FBXL13: variants seen among roughly 807,000 people sequenced by gnomAD.
FBXL13 encodes the protein F-box and leucine rich repeat protein 13.
Under a neutral mutation model 83.6 loss-of-function variants are expected in FBXL13, and 67 were observed. The ratio of observed to expected loss-of-function variants is 0.80; its 90% confidence interval spans 0.66 to 0.98. The LOEUF is 0.98. Among genes scored for constraint, FBXL13 ranks in the 50% least tolerant of loss-of-function variants. The pLI is 0.00. For missense variants in FBXL13, 822 were observed against 866.5 expected, an observed-to-expected ratio of 0.95 and a Z score of 0.64; for synonymous variants, 272 against 299.5, an observed-to-expected ratio of 0.91 and a Z score of 0.95.
intron 18 of FBXL13, among the ~76,000 whole-genome samples, chr7:102,822,886 A>G (rs1799001146): frequency 6.6e-6 from 1 of 152,156 alleles, no homozygotes; most frequent in African/African-American, 2.4e-5. Flanking sequence ...CCTGGGCCAC[A>G]TGGTGAAACT....
chr7:102,978,317 A>G (rs1827772602), intron 6 of FBXL13: 1 of 152,250 alleles, frequency 6.6e-6, no homozygotes, highest in Non-Finnish European at 1.5e-5. Context: ...CCAAATAGAA[A>G]GGAATGAAGG....
chr7:102,854,382 G>A (rs1371455246), intron 17 of FBXL13, among the ~76,000 whole-genome samples: 1 of 151,854 alleles, frequency 6.6e-6, no homozygotes, highest in Non-Finnish European at 1.5e-5. Flanking sequence ...GGGGTGGGGG[G>A]AGAGGGGAGG....
intron 16 of FBXL13, among the ~76,000 whole-genome samples, chr7:102,862,360 G>C (rs373804213): frequency 6.6e-6 from 1 of 150,910 alleles, no homozygotes; most frequent in East Asian, 1.9e-4. Context: ...AGAAATGGAC[G>C]TTTTGGAGGG....
chr7:102,980,099 G>A (rs1052600137), intron 6 of FBXL13, among the ~76,000 whole-genome samples: 1 of 151,878 alleles, frequency 6.6e-6, no homozygotes, highest in Non-Finnish European at 1.5e-5. Context: ...GGCTTTTTTT[G>A]CAAAAATGAA....
chr7:103,070,559 G>A (rs998495552), intron 1 of FBXL13, among the ~76,000 whole-genome samples: 7 of 152,072 alleles, frequency 4.6e-5, no homozygotes, highest in African/African-American at 1.2e-4. Context: ...CATTTTGCAC[G>A]GCTATAAAGA....
At chr7:102,812,465 CCTGA>C (rs370204965), downstream of FBXL13, among the ~76,000 whole-genome samples, 5 of 152,030 alleles carry the variant, frequency 3.3e-5, no homozygotes, top group African/African-American at 9.7e-5. Flanking sequence ...TTAATTTGCC[CCTGA>C]CTAAGTCAAA....
chr7:102,962,152 A>T (rs1227602359), intron 8 of FBXL13, among the ~76,000 whole-genome samples: 1 of 151,154 alleles, frequency 6.6e-6, no homozygotes, highest in Non-Finnish European at 1.5e-5. Flanking sequence ...AAAAACAAAC[A>T]ACCCCATCAA....
chr7:102,992,817 G>C (rs1203925584), intron 6 of FBXL13, among the ~76,000 whole-genome samples: 46 of 152,234 alleles, frequency 3.0e-4, no homozygotes, highest in Non-Finnish European at 4.4e-5. Context: ...ATGTTGCTCA[G>C]GTTTCTCTGG....
At chr7:103,025,034 T>C in intron 6 of FBXL13, 29 bp downstream of exon 7, 1 of 1,553,632 alleles carries the variant, frequency 6.4e-7, no homozygotes, top group South Asian at 1.2e-5. Context: ...CAGATTATAG[T>C]ATATAATGTA....
intron 17 of FBXL13, among the ~76,000 whole-genome samples, chr7:102,836,805 T>A (rs1190891543): frequency 6.7e-6 from 1 of 148,170 alleles, no homozygotes; most frequent in Non-Finnish European, 1.5e-5. Context: ...GTCACAATAA[T>A]GTGCTTCTGC....
exon 20 of FBXL13, chr7:102,813,410 ATGT>A (rs1178168928): frequency 1.9e-6 from 3 of 1,613,962 alleles, no homozygotes; most frequent in African/African-American, 2.7e-5. Context: ...CCTTTAGATG[ATGT>A]TATGTTGTCA....
intron 11 of FBXL13, among the ~76,000 whole-genome samples, chr7:102,908,169 C>A (rs554856017): frequency 3.8e-4 from 58 of 152,212 alleles, no homozygotes; most frequent in African/African-American, 1.4e-3. Flanking sequence ...CTCACTAATT[C>A]TTCTGTTTGA....
chr7:102,962,229 G>GA (rs1825343927), intron 8 of FBXL13, among the ~76,000 whole-genome samples: 1 of 151,758 alleles, frequency 6.6e-6, no homozygotes, highest in Non-Finnish European at 1.5e-5. Flanking sequence ...AAAAACACAT[G>GA]AAAAAATGCT....
chr7:102,960,993 G>C (rs1825098986), intron 8 of FBXL13, among the ~76,000 whole-genome samples: 1 of 150,342 alleles, frequency 6.7e-6, no homozygotes, highest in Non-Finnish European at 1.5e-5. Flanking sequence ...AGGGCAATTA[G>C]GCAGGAGAAG....
chr7:102,871,916 C>T (rs1334667474), intron 16 of FBXL13, among the ~76,000 whole-genome samples: 2 of 152,066 alleles, frequency 1.3e-5, no homozygotes, highest in Non-Finnish European at 2.9e-5. Context: ...TCCTATTTCC[C>T]TCCCTGCCCC....
chr7:102,918,523 A>ACTACACCCT (rs1402514982), intron 10 of FBXL13, among the ~76,000 whole-genome samples: 3 of 152,232 alleles, frequency 2.0e-5, no homozygotes, highest in African/African-American at 7.2e-5. Context: ...TGTGATATAA[A>ACTACACCCT]CTACACCCTG....
At chr7:102,939,261 T>C (rs1433545833) in intron 8 of FBXL13, among the ~76,000 whole-genome samples, 1 of 152,234 alleles carries the variant, frequency 6.6e-6, no homozygotes, top group Non-Finnish European at 1.5e-5. Flanking sequence ...TGGGCTTTGA[T>C]GGAATTTAGC....
At chr7:103,038,453 G>C (rs1023759189) in intron 2 of FBXL13, among the ~76,000 whole-genome samples, 4 of 152,238 alleles carry the variant, frequency 2.6e-5, no homozygotes, top group Non-Finnish European at 5.9e-5. Flanking sequence ...GCTCTGAAGA[G>C]AGCAGTGATT....
intron 11 of FBXL13, among the ~76,000 whole-genome samples, chr7:102,902,634 C>A (rs1360080513): frequency 6.6e-6 from 1 of 151,968 alleles, no homozygotes; most frequent in Non-Finnish European, 1.5e-5. Flanking sequence ...TAGTGTTATT[C>A]TTCTCCATAT....
Sources: allele counts gnomAD v4.1 joint callset (sites outside exome capture counted in the v4.1 genomes callset), GRCh38; gene constraint gnomAD v4.1.1; transcripts MANE v1.5; gene names NCBI Gene and HGNC (gene_info 2026-07-23, HGNC 2026-07-21).